DGKG: variants seen among roughly 807,000 people sequenced by gnomAD.
The protein encoded by DGKG is diacylglycerol kinase gamma.
Under a neutral mutation model 105.3 loss-of-function variants are expected in DGKG, and 78 were observed. The observed-to-expected ratio is 0.74, with a 90% confidence interval of 0.62 to 0.89. DGKG has a LOEUF of 0.89. DGKG is among the 40% of genes least tolerant of loss of function. The pLI, the probability that DGKG is intolerant of heterozygous loss-of-function variation, is 0.00. For missense variants in DGKG, 958 were observed against 1,020.1 expected (o/e 0.94, Z 0.83); for synonymous variants, 346 against 367.1 (o/e 0.94, Z 0.66).
rs530658721 is a variant in DGKG at position 186,185,249 on chromosome 3, G to A, written c.2095+2953C>T. On this transcript the variant is annotated intron_variant, in intron 22 of 24. Transcript: ENST00000265022. ...CTTTCAAGAAGAAAGCTCAGTGCTG[G>A]CATCTCTGCAAAGCCCAGAAGTCAG... Among the ~76,000 whole-genome samples the A allele has an allele frequency of 2.6e-5, 4 of 152,302 alleles. No individual in the cohort carries two copies. The South Asian group carries it at 8.3e-4, about 32-fold the overall frequency.
Position 186,161,766 on chromosome 3 carries a change from C to A in DGKG, c.2217-103G>T. The A allele has an allele frequency of 3.2e-6, 5 of 1,549,766 alleles. No homozygotes were observed. The South Asian group carries it at 5.8e-5, about 18-fold the overall frequency. On this transcript the variant is annotated intron_variant, in intron 23 of 24. Transcript: ENST00000265022. ...GAAGTAGGAAAACCTTATCTGCCTA[C>A]CTAAGTGTGGTTCTCTAAGACTCTT...
intron 24 of DGKG, among the ~76,000 whole-genome samples, chr3:186,151,057 C>T (rs1461176420): frequency 6.6e-6 from 1 of 152,248 alleles, no homozygotes; most frequent in Non-Finnish European, 1.5e-5. Flanking sequence ...TGAGTCCAGA[C>T]ACTTCCACTT....
chr3:186,298,733 G>A (rs1427473922), intron 3 of DGKG, among the ~76,000 whole-genome samples: 1 of 152,184 alleles, frequency 6.6e-6, no homozygotes, highest in Non-Finnish European at 1.5e-5. Context: ...TTTCCCTCTT[G>A]TACCATGACG....
intron 11 of DGKG, among the ~76,000 whole-genome samples, chr3:186,269,863 A>C (rs1722235072): frequency 6.6e-6 from 1 of 152,066 alleles, no homozygotes; most frequent in Non-Finnish European, 1.5e-5. Flanking sequence ...TTGTTTTTGT[A>C]TGTGTGTGTC....
chr3:186,360,235 G>T (rs893404683), intron 1 of DGKG, among the ~76,000 whole-genome samples: 1 of 152,032 alleles, frequency 6.6e-6, no homozygotes, highest in South Asian at 2.1e-4. Context: ...TTCAAGACAC[G>T]CTGATGTTTG....
intron 22 of DGKG, among the ~76,000 whole-genome samples, chr3:186,183,028 C>T (rs1376555869): frequency 3.9e-5 from 6 of 152,154 alleles, no homozygotes; most frequent in African/African-American, 1.2e-4. Context: ...AGGCTGGGCT[C>T]GCTTCCAGCA....
At chr3:186,293,655 G>A (rs561563857) in intron 5 of DGKG, among the ~76,000 whole-genome samples, 4 of 152,336 alleles carry the variant, frequency 2.6e-5, no homozygotes, top group East Asian at 1.9e-4. Context: ...GGAATGAAGT[G>A]GGCTTTGCTA....
At chr3:186,263,929 A>T (rs1183201163) in intron 14 of DGKG, among the ~76,000 whole-genome samples, 2 of 152,220 alleles carry the variant, frequency 1.3e-5, no homozygotes, top group African/African-American at 4.8e-5. Flanking sequence ...TTTGAAAAGG[A>T]TAGTAGCATT....
intron 21 of DGKG, among the ~76,000 whole-genome samples, chr3:186,191,116 A>G (rs762592745): frequency 6.6e-6 from 1 of 152,196 alleles, no homozygotes; most frequent in Admixed American, 6.5e-5. Flanking sequence ...GTGGAGCTAG[A>G]TATGTATCCA....
chr3:186,315,438 G>A (rs1278440116), intron 2 of DGKG, among the ~76,000 whole-genome samples: 2 of 152,140 alleles, frequency 1.3e-5, no homozygotes, highest in South Asian at 2.1e-4. Context: ...TCCATAATGT[G>A]GTTGTGAGGC....
chr3:186,308,932 A>T (rs1724384721), intron 2 of DGKG, among the ~76,000 whole-genome samples: 1 of 152,258 alleles, frequency 6.6e-6, no homozygotes, highest in South Asian at 2.1e-4. Context: ...TTCAGTTTAC[A>T]GATGAAGAAG....
At chr3:186,283,801 T>TG (rs1259015340) in intron 7 of DGKG, among the ~76,000 whole-genome samples, 1 of 152,240 alleles carries the variant, frequency 6.6e-6, no homozygotes, top group Non-Finnish European at 1.5e-5. Context: ...GCAATGTAGC[T>TG]GGAGGGATCC....
chr3:186,170,446 A>T (rs185784146), intron 22 of DGKG, among the ~76,000 whole-genome samples: 1 of 152,292 alleles, frequency 6.6e-6, no homozygotes, highest in Admixed American at 6.5e-5. Flanking sequence ...TGGGCCCAGC[A>T]GTCTGTGTTC....
At chr3:186,252,069 GA>G (rs1280797035) in intron 18 of DGKG, 150 bp from the exon 19 acceptor site, 4 of 658,692 alleles carry the variant, frequency 6.1e-6, no homozygotes, top group Non-Finnish European at 9.4e-6. Flanking sequence ...TACGTTCCCC[GA>G]GCCACAGAGA....
intron 22 of DGKG, among the ~76,000 whole-genome samples, chr3:186,185,549 G>A (rs1717585099): frequency 6.6e-6 from 1 of 152,134 alleles, no homozygotes; most frequent in Non-Finnish European, 1.5e-5. Flanking sequence ...GAGTCGAAGT[G>A]GGGAGCAGGG....
rs114145671 is a variant in DGKG at position 186,359,109 on chromosome 3, G to A, written c.-249+2837C>T. 3.7e-3 allele frequency among the ~76,000 whole-genome samples: 566 copies of A among 152,190 alleles called. 4 individuals are homozygous for A. The highest frequency in any genetic ancestry group is 7.0e-3 in the South Asian group (34 of 4,826). On this transcript the variant is annotated intron_variant, in intron 1 of 24. Transcript: ENST00000265022. ...AATGCTCGTGTGATGTGGCTTGGTC[G>A]TGTGAGGCCTTGGCCTATTTGGATT...
intron 2 of DGKG, among the ~76,000 whole-genome samples, chr3:186,315,720 G>A (rs977598698): frequency 6.6e-6 from 1 of 152,100 alleles, no homozygotes; most frequent in Non-Finnish European, 1.5e-5. Flanking sequence ...AGTACAGAAT[G>A]ATGTGGGAAT....
At chr3:186,198,151 C>T (rs1258202951) in intron 21 of DGKG, among the ~76,000 whole-genome samples, 1 of 152,096 alleles carries the variant, frequency 6.6e-6, no homozygotes, top group Non-Finnish European at 1.5e-5. Context: ...AAATGGAAAC[C>T]CAGGTGTTCT....
chr3:186,176,063 G>T (rs1345144281), intron 22 of DGKG, among the ~76,000 whole-genome samples: 1 of 152,182 alleles, frequency 6.6e-6, no homozygotes, highest in Non-Finnish European at 1.5e-5. Flanking sequence ...TGCAGTGACA[G>T]GGTACCCGAA....
Sources: gnomAD v4.1 joint callset for allele counts (sites outside exome capture counted in the v4.1 genomes callset) on GRCh38, gnomAD v4.1.1 for gene constraint, MANE v1.5 for transcripts, NCBI Gene and HGNC (gene_info 2026-07-23, HGNC 2026-07-21) for gene names.